ABCA13: variants seen among roughly 807,000 people sequenced by gnomAD.
The protein encoded by ABCA13 is ATP-binding cassette sub-family A member 13.
In ABCA13, 476 loss-of-function variants were observed where a neutral mutation model predicts 478.7. The ratio of observed to expected loss-of-function variants is 0.99; its 90% confidence interval spans 0.92 to 1.07. The LOEUF is 1.07. Ranked by LOEUF, ABCA13 falls within the 50% of genes least tolerant of loss-of-function variation. The probability of loss-of-function intolerance (pLI) is 0.00; values close to 1 mark genes in which losing one functional copy is unlikely to be tolerated. For synonymous variants in ABCA13, 2,252 were observed against 2,158.9 expected (o/e 1.04, Z -1.20); for missense variants, 6,060 against 5,910.6 (o/e 1.03, Z -0.83).
At chr7:48,438,502 C>G (rs7783082) in intron 42 of ABCA13, among the ~76,000 whole-genome samples, 45,129 of 151,612 alleles carry the variant, frequency 0.3, 6,793 homozygotes, top group East Asian at 0.37. Context: ...GGCCAATTTT[C>G]TGACTAAATA....
chr7:48,430,871 G>A (rs1822053912), intron 42 of ABCA13, among the ~76,000 whole-genome samples: 1 of 151,772 alleles, frequency 6.6e-6, no homozygotes, highest in Non-Finnish European at 1.5e-5. Flanking sequence ...TTATTATTTT[G>A]TTTCTTTTAC....
At chr7:48,636,403 C>G (rs948243163) in intron 59 of ABCA13, among the ~76,000 whole-genome samples, 8 of 152,216 alleles carry the variant, frequency 5.3e-5, no homozygotes, top group African/African-American at 1.9e-4. Flanking sequence ...AAAAGATTCA[C>G]TGTCTTGATT....
At chr7:48,404,002 T>C in intron 39 of ABCA13, 123 bp downstream of exon 39, 2 of 1,219,364 alleles carry the variant, frequency 1.6e-6, no homozygotes, top group Non-Finnish European at 2.3e-6. Flanking sequence ...TTCAGAAAAA[T>C]ATAAATTTTT....
At chr7:48,516,704 A>G (rs1292060512) in intron 51 of ABCA13, 21 bp from the exon 52 acceptor site, 1 of 1,611,266 alleles carries the variant, frequency 6.2e-7, no homozygotes, top group Non-Finnish European at 8.5e-7. Context: ...AACAAACATT[A>G]CTTTTCACTT....
At chr7:48,177,931 G>A (rs1417728754) in intron 1 of ABCA13, among the ~76,000 whole-genome samples, 1 of 152,230 alleles carries the variant, frequency 6.6e-6, no homozygotes, top group Non-Finnish European at 1.5e-5. Flanking sequence ...GCCACTGCCA[G>A]GCCACTGAGG....
Position 48,274,411 on chromosome 7 carries a change from C to T in ABCA13, c.4745C>T (p.Ala1582Val). The T allele has an allele frequency of 6.2e-7, 1 of 1,612,702 alleles. No individual in the cohort carries two copies. ...SKTENLLNIF[A>V]TSPKEKDVNS... ...ACTGAAAACTTGTTAAACATATTTG[C>T]CACCAGTCCAAAAGAAAAGGATGTA... The change falls in exon 17 of 62, where the codon GCC becomes GTC. Residue 1582 changes from alanine (A) to valine (V), a missense_variant. By Grantham distance (64) the Ala-to-Val change is moderately conservative. Around this residue, in one of 3 missense-constraint regions of ABCA13, gnomAD observed 4,423 missense variants for 4,309.1 expected, o/e 1.03. Coordinates refer to ENST00000435803, the MANE Select transcript of ABCA13 (RefSeq NM_152701.5).
intron 58 of ABCA13, among the ~76,000 whole-genome samples, chr7:48,598,201 A>T (rs1790498376): frequency 6.6e-6 from 1 of 152,152 alleles, no homozygotes; most frequent in East Asian, 1.9e-4. Flanking sequence ...TATAGTATGT[A>T]GTCTTTTCAG....
In ABCA13 at chr7:48,279,108, T is replaced by C; in HGVS notation, c.7914T>C (p.Ile2638=). The C allele has an allele frequency of 1.2e-6, 2 of 1,608,204 alleles. No homozygotes were observed. Among genetic ancestry groups the C allele is most frequent in the Non-Finnish European group, 1.7e-6 (2 of 1,177,026 alleles). Residue 2638 remains isoleucine (I), a synonymous_variant, in exon 18 of 62, where the codon ATT becomes ATC. Transcript: ENST00000435803. ...ACTTTTCTGATATTTTGGAAGAAAT[T>C]GCTGAATTTTTAACATCTGTGAAAA... ...SKDFSDILEE[I]AEFLTSVKMN... is the part of the protein sequence containing the mutation.
rs1436299818 is a variant in ABCA13, at chr7:48,275,232, G to A, written c.5566G>A (p.Ala1856Thr). ...LMSSSFYGKV[A>T]SILDHFHLSP... The stretch of plus-strand genomic sequence containing the variant: ...GTCTTCTTCCTTTTATGGCAAAGTG[G>A]CCAGTATACTTGATCATTTCCACCT... Residue 1856 changes from alanine (A) to threonine (T), a missense_variant, in exon 17 of 62, where the codon GCC becomes ACC. Ala to Thr is a moderately conservative substitution (Grantham distance 58). Coordinates refer to ENST00000435803, the MANE Select transcript of ABCA13 (RefSeq NM_152701.5). The A allele has an allele frequency of 1.2e-6, 2 of 1,613,746 alleles. No individual in the cohort carries two copies. Among genetic ancestry groups the A allele is most frequent in the Non-Finnish European group, 1.7e-6 (2 of 1,179,870 alleles).
intron 44 of ABCA13, among the ~76,000 whole-genome samples, chr7:48,469,028 G>A (rs995078201): frequency 6.6e-6 from 1 of 152,202 alleles, no homozygotes; most frequent in Non-Finnish European, 1.5e-5. Context: ...ATATCTGGTG[G>A]CACTTCAGTG....
intron 55 of ABCA13, among the ~76,000 whole-genome samples, chr7:48,532,409 A>G (rs966706398): frequency 8.6e-5 from 13 of 151,964 alleles, no homozygotes; most frequent in African/African-American, 2.9e-4. Context: ...TAGTATTTTT[A>G]TAAGGATTTT....
rs1179321544 is a variant in ABCA13 at position 48,359,139 on chromosome 7, A to G, written c.10688+6652A>G. On this transcript the variant is annotated intron_variant, in intron 31 of 61. Transcript: ENST00000435803. ...CCCAGTGCATTGGCTTGTAGTGCGCAGTGAATTATCCTGCTTGAGGAGACC... is the reference window on the plus strand; with the variant it reads ...CCCAGTGCATTGGCTTGTAGTGCGCGGTGAATTATCCTGCTTGAGGAGACC... Among the ~76,000 whole-genome samples the G allele has an allele frequency of 2.6e-5, 4 of 152,082 alleles. No homozygotes were observed. In the East Asian group the frequency reaches 7.7e-4, roughly 29 times the overall value.
chr7:48,383,782 C>G (rs1243024263), intron 35 of ABCA13, among the ~76,000 whole-genome samples: 2 of 152,172 alleles, frequency 1.3e-5, no homozygotes, highest in African/African-American at 4.8e-5. Flanking sequence ...CAGGCTTTTT[C>G]CAGACAGTTT....
At position 48,577,954 on chromosome 7, in the gene ABCA13, A is replaced by G. The variant is rs187505981; in HGVS notation, c.14355-2270A>G. On this transcript the variant is annotated intron_variant, in intron 55 of 61. Transcript: ENST00000435803. ...TCAATTAATATAATCCATTACAACA[A>G]TAGAATAAAAGGAAAAGATGGTTTG... 1.5e-3 allele frequency among the ~76,000 whole-genome samples: 227 copies of G among 152,286 alleles called. 2 individuals are homozygous for G. The highest frequency in any genetic ancestry group is 5.3e-3 in the African/African-American group (219 of 41,584).
At chr7:48,333,903 T>G (rs1805800750) in intron 27 of ABCA13, among the ~76,000 whole-genome samples, 1 of 152,140 alleles carries the variant, frequency 6.6e-6, no homozygotes, top group Non-Finnish European at 1.5e-5. Flanking sequence ...GTCTCCTGGG[T>G]GCTTGTTGTG....
intron 36 of ABCA13, 122 bp downstream of exon 36, chr7:48,388,081 T>A (rs969932504): frequency 2.5e-5 from 26 of 1,058,324 alleles, no homozygotes; most frequent in Non-Finnish European, 3.4e-5. Flanking sequence ...GAGACTTACA[T>A]TTAGGCTGTC....
Position 48,273,735 on chromosome 7 carries a change from A to G in ABCA13, c.4069A>G (p.Ile1357Val). The change falls in exon 17 of 62, where the codon ATT (isoleucine) becomes GTT (valine). Residue 1357 changes from isoleucine (I) to valine (V), a missense_variant. Physicochemically the swap from Ile to Val is conservative, Grantham distance 29 (BLOSUM62 3). Transcript: ENST00000435803. ...TATTTTCCAAAATGTTACTGAGTGT[A>G]TTTTAGAAGATGGCTTTTTATATGT... is the stretch of plus-strand genomic sequence containing the variant. ...ADIFQNVTECILEDGFLYVNT... is the reference protein window; with the variant it reads ...ADIFQNVTECVLEDGFLYVNT... 6.2e-7 allele frequency: 1 copy of G among 1,609,930 alleles called. No homozygotes were observed. Among genetic ancestry groups the G allele is most frequent in the Non-Finnish European group, 8.5e-7 (1 of 1,177,818 alleles).
chr7:48,428,420 AG>A (rs1243327240), intron 42 of ABCA13, among the ~76,000 whole-genome samples: 3 of 152,176 alleles, frequency 2.0e-5, no homozygotes, highest in Admixed American at 2.0e-4. Context: ...GCTCCAGTTC[AG>A]TCCAATTCCT....
intron 19 of ABCA13, among the ~76,000 whole-genome samples, chr7:48,285,076 C>T (rs555721724): frequency 5.2e-4 from 79 of 152,254 alleles, no homozygotes; most frequent in Middle Eastern, 3.4e-3. Context: ...GCTCATGCAA[C>T]GGAAGGAGCC....
Sources: allele counts gnomAD v4.1 joint callset (sites outside exome capture counted in the v4.1 genomes callset), GRCh38; gene constraint gnomAD v4.1.1; regional missense constraint gnomAD v4.1.1; transcripts MANE v1.5; gene names NCBI Gene and HGNC (gene_info 2026-07-23, HGNC 2026-07-21).